The following DCC variants were observed in gnomAD, a reference collection of about 807,000 sequenced individuals.
DCC encodes DCC netrin 1 receptor.
Under a neutral mutation model 172.5 loss-of-function variants are expected in DCC, and 58 were observed. That is an observed-to-expected ratio of 0.34 (90% CI 0.27 to 0.42). The LOEUF (loss-of-function observed/expected upper bound fraction) is 0.42, where lower values mean the gene tolerates loss of function less well. Ranked by LOEUF, DCC falls within the 10% of genes least tolerant of loss-of-function variation. The probability of loss-of-function intolerance (pLI) is 1.00; values close to 1 mark genes in which losing one functional copy is unlikely to be tolerated. For synonymous variants in DCC, 709 were observed against 644.5 expected, an observed-to-expected ratio of 1.10 and a Z score of -1.52; for missense variants, 1,740 against 1,791.0, an observed-to-expected ratio of 0.97 and a Z score of 0.51.
At chr18:53,129,679 T>C (rs1278488360) in intron 7 of DCC, among the ~76,000 whole-genome samples, 1 of 152,170 alleles carries the variant, frequency 6.6e-6, no homozygotes, top group African/African-American at 2.4e-5. Flanking sequence ...ATTTTTTTGC[T>C]GAGTAGTATT....
At chr18:53,146,642 T>C (rs2043920449) in intron 7 of DCC, among the ~76,000 whole-genome samples, 1 of 152,354 alleles carries the variant, frequency 6.6e-6, no homozygotes, top group South Asian at 2.1e-4. Flanking sequence ...AAGCCAATTC[T>C]ATAATTCTTT....
At chr18:53,015,039 G>T (rs1446951773) in intron 5 of DCC, among the ~76,000 whole-genome samples, 1 of 152,136 alleles carries the variant, frequency 6.6e-6, no homozygotes, top group African/African-American at 2.4e-5. Flanking sequence ...AATGTAAAAT[G>T]ATCATTCTTT....
At chr18:52,635,031 C>T (rs1293564412) in intron 1 of DCC, among the ~76,000 whole-genome samples, 1 of 152,162 alleles carries the variant, frequency 6.6e-6, no homozygotes, top group Non-Finnish European at 1.5e-5. Context: ...ATTATTTTCT[C>T]TACCCTACTG....
intron 1 of DCC, among the ~76,000 whole-genome samples, chr18:52,678,959 C>T (rs1195807763): frequency 6.6e-6 from 1 of 152,012 alleles, no homozygotes; most frequent in East Asian, 1.9e-4. Context: ...CTCACTTCCA[C>T]ACTTCAACTT....
chr18:52,698,035 G>T (rs762038529), intron 1 of DCC, among the ~76,000 whole-genome samples: 3 of 152,170 alleles, frequency 2.0e-5, no homozygotes, highest in Non-Finnish European at 4.4e-5. Flanking sequence ...AGAAATCAAG[G>T]TGTAGGTAAC....
In DCC at chr18:52,674,487, T is replaced by C. The variant is rs574667976; in HGVS notation, c.92-77567T>C. Reference sequence around the variant, plus strand: ...TAGTCCACCAATTCCAATGTTAATCTCTTCCAGAAACACCTTCACAGACAC... The same window carrying C: ...TAGTCCACCAATTCCAATGTTAATCCCTTCCAGAAACACCTTCACAGACAC... On this transcript the variant is annotated intron_variant, in intron 1 of 28. Coordinates refer to ENST00000442544, the MANE Select transcript of DCC (RefSeq NM_005215.4). Among the ~76,000 whole-genome samples, 207 of 152,290 alleles carry C rather than the reference T, an allele frequency of 1.4e-3. 2 individuals are homozygous for C. The highest frequency in any genetic ancestry group is 4.9e-3 in the African/African-American group (202 of 41,566).
chr18:53,021,538 T>G (rs1481100533), intron 5 of DCC, among the ~76,000 whole-genome samples: 1 of 133,296 alleles, frequency 7.5e-6, no homozygotes, highest in Non-Finnish European at 1.6e-5. Context: ...AGAATTGCTA[T>G]TCTATATAAA....
intron 1 of DCC, among the ~76,000 whole-genome samples, chr18:52,572,936 A>G (rs1017005531): frequency 6.6e-6 from 1 of 152,202 alleles, no homozygotes; most frequent in African/African-American, 2.4e-5. Context: ...ATCCACAGGT[A>G]AACAAATGCT....
chr18:52,466,594 G>A (rs143050903), intron 1 of DCC, among the ~76,000 whole-genome samples: 146 of 152,214 alleles, frequency 9.6e-4, no homozygotes, highest in African/African-American at 3.4e-3. Flanking sequence ...AAGATTTGCT[G>A]ACCTTGACTG....
intron 1 of DCC, among the ~76,000 whole-genome samples, chr18:52,693,394 C>G (rs1471095600): frequency 6.9e-6 from 1 of 145,466 alleles, no homozygotes; most frequent in Non-Finnish European, 1.5e-5. Flanking sequence ...AAATATATAT[C>G]ATATATAATA....
intron 1 of DCC, among the ~76,000 whole-genome samples, chr18:52,698,003 A>T (rs1379043964): frequency 1.3e-5 from 2 of 152,242 alleles, no homozygotes; most frequent in African/African-American, 4.8e-5. Flanking sequence ...TGTGAAACTG[A>T]ATCTAATTTT....
At chr18:52,756,224 T>C (rs1032682973) in intron 2 of DCC, among the ~76,000 whole-genome samples, 4 of 146,036 alleles carry the variant, frequency 2.7e-5, no homozygotes, top group African/African-American at 1.1e-4. Flanking sequence ...TTTAGTCCTC[T>C]AGATTGAGAA....
chr18:53,204,892 G>A (rs2055600910), intron 9 of DCC, among the ~76,000 whole-genome samples: 1 of 152,066 alleles, frequency 6.6e-6, no homozygotes. Flanking sequence ...TGGCATAGTG[G>A]CAAATTTTTC....
At chr18:52,749,333 C>T (rs1300407891) in intron 1 of DCC, among the ~76,000 whole-genome samples, 1 of 152,176 alleles carries the variant, frequency 6.6e-6, no homozygotes, top group Non-Finnish European at 1.5e-5. Flanking sequence ...CTTTTTTCGG[C>T]TTGAAGGTTG....
At chr18:53,461,212 T>A (rs2045554857) in intron 24 of DCC, among the ~76,000 whole-genome samples, 1 of 151,956 alleles carries the variant, frequency 6.6e-6, no homozygotes, top group African/African-American at 2.4e-5. Context: ...TTGCAAAAAT[T>A]TTCTCCCATT....
intron 1 of DCC, among the ~76,000 whole-genome samples, chr18:52,354,998 G>A (rs140897150): frequency 1.8e-4 from 28 of 152,180 alleles, no homozygotes; most frequent in African/African-American, 4.6e-4. Flanking sequence ...TTTAAGCCCC[G>A]TTACGAATGC....
intron 7 of DCC, among the ~76,000 whole-genome samples, chr18:53,121,594 C>A (rs1304346271): frequency 2.0e-5 from 3 of 151,918 alleles, no homozygotes; most frequent in Non-Finnish European, 4.4e-5. Context: ...TAAAATGATA[C>A]TTGTAAATCT....
chr18:53,087,475 T>C (rs959725564), intron 7 of DCC, among the ~76,000 whole-genome samples: 4 of 151,620 alleles, frequency 2.6e-5, no homozygotes, highest in African/African-American at 9.7e-5. Flanking sequence ...TAAATTTGTT[T>C]GAGTTCATTG....
chr18:53,415,798 T>G (rs1008725861), intron 20 of DCC, among the ~76,000 whole-genome samples: 10 of 130,284 alleles, frequency 7.7e-5, no homozygotes, highest in African/African-American at 2.5e-4. Flanking sequence ...GATAATTACT[T>G]GGTAATTGCA....
Sources: gnomAD v4.1 joint callset for allele counts (sites outside exome capture counted in the v4.1 genomes callset) on GRCh38, gnomAD v4.1.1 for gene constraint, MANE v1.5 for transcripts, NCBI Gene and HGNC (gene_info 2026-07-23, HGNC 2026-07-21) for gene names.